Variants in CNTNAP2 observed in about 807,000 individuals in gnomAD.
CNTNAP2 encodes the protein contactin-associated protein-like 2.
Under a neutral mutation model 155.2 loss-of-function variants are expected in CNTNAP2, and 98 were observed. The observed-to-expected ratio is 0.63, with a 90% CI of 0.54 to 0.75. The LOEUF is 0.75. Ranked by LOEUF, CNTNAP2 falls within the 30% of genes least tolerant of loss-of-function variation. CNTNAP2 has a pLI of 0.00. For synonymous variants in CNTNAP2, 651 were observed against 631.2 expected (o/e 1.03, Z -0.47); for missense variants, 1,727 against 1,688.1 (o/e 1.02, Z -0.40).
chr7:147,257,478 A>T lies in CNTNAP2; in HGVS notation c.1349-42663A>T, dbSNP rs140567655. On this transcript the variant is annotated intron_variant, in intron 8 of 23. Coordinates refer to ENST00000361727, the MANE Select transcript of CNTNAP2 (RefSeq NM_014141.6). ...GAAATGCACAGTGGGTGTGTGCAGG[A>T]CCTTCTGCCATAATAGCCTCCTTCT... is the stretch of plus-strand genomic sequence containing the variant. 3.2e-3 allele frequency among the ~76,000 whole-genome samples: 485 copies of T among 152,294 alleles called. 2 individuals are homozygous for T. The highest frequency in any genetic ancestry group is 0.028 in the East Asian group (144 of 5,162).
intron 20 of CNTNAP2, among the ~76,000 whole-genome samples, chr7:148,260,949 G>A (rs2116831112): frequency 6.6e-6 from 1 of 152,344 alleles, no homozygotes; most frequent in African/African-American, 2.4e-5. Context: ...CTAACTATAT[G>A]GAGATACTAA....
At chr7:146,670,765 G>T (rs1402418161) in intron 1 of CNTNAP2, among the ~76,000 whole-genome samples, 4 of 152,098 alleles carry the variant, frequency 2.6e-5, no homozygotes, top group Admixed American at 2.6e-4. Context: ...ACAGCCAAGG[G>T]AAGGACTGGA....
chr7:147,473,822 G>A (rs949436272), intron 10 of CNTNAP2, among the ~76,000 whole-genome samples: 2 of 152,168 alleles, frequency 1.3e-5, no homozygotes, highest in Non-Finnish European at 2.9e-5. Flanking sequence ...GTTCACACCT[G>A]TAATCCCAGC....
chr7:148,172,165 C>T (rs924427047), intron 17 of CNTNAP2, 77 bp from the exon 18 acceptor site: 47 of 1,398,854 alleles, frequency 3.4e-5, no homozygotes, highest in Non-Finnish European at 4.7e-5. Context: ...TCTCCTACCA[C>T]AGTTGTTCAA....
chr7:147,059,935 A>G (rs1265725996), intron 4 of CNTNAP2, among the ~76,000 whole-genome samples: 1 of 152,120 alleles, frequency 6.6e-6, no homozygotes, highest in African/African-American at 2.4e-5. Flanking sequence ...TACTATAATT[A>G]TAGTTTGTAT....
intron 10 of CNTNAP2, among the ~76,000 whole-genome samples, chr7:147,457,494 G>T (rs966987529): frequency 1.2e-5 from 1 of 86,678 alleles, no homozygotes; most frequent in Non-Finnish European, 2.3e-5. Flanking sequence ...CCACTGTAGC[G>T]CTTACTGTAT....
chr7:147,951,015 T>A (rs1800920917), intron 14 of CNTNAP2, among the ~76,000 whole-genome samples: 1 of 152,224 alleles, frequency 6.6e-6, no homozygotes, highest in Admixed American at 6.5e-5. Context: ...CATCTGACTC[T>A]AACTGCTTCT....
At chr7:147,154,966 A>G (rs1377222369) in intron 8 of CNTNAP2, among the ~76,000 whole-genome samples, 2 of 152,174 alleles carry the variant, frequency 1.3e-5, no homozygotes, top group Non-Finnish European at 2.9e-5. Flanking sequence ...GAGATAATTT[A>G]ATAGAGAGAA....
At chr7:148,330,096 A>G (rs1205936865) in intron 21 of CNTNAP2, among the ~76,000 whole-genome samples, 1 of 106,812 alleles carries the variant, frequency 9.4e-6, no homozygotes, top group Admixed American at 9.9e-5. Flanking sequence ...GACACATGGA[A>G]TGGATGGATA....
intron 21 of CNTNAP2, among the ~76,000 whole-genome samples, chr7:148,273,495 C>T (rs1162352620): frequency 6.6e-6 from 1 of 152,170 alleles, no homozygotes; most frequent in Non-Finnish European, 1.5e-5. Flanking sequence ...TTTCTGAGCC[C>T]TCTTTAATTA....
At chr7:147,740,453 T>C (rs376146509) in intron 13 of CNTNAP2, among the ~76,000 whole-genome samples, 35 of 152,296 alleles carry the variant, frequency 2.3e-4, no homozygotes, top group African/African-American at 7.9e-4. Context: ...CCACTGAGGC[T>C]TGGTGCGAGA....
At chr7:147,623,492 G>A (rs183465198) in intron 12 of CNTNAP2, among the ~76,000 whole-genome samples, 52 of 151,972 alleles carry the variant, frequency 3.4e-4, no homozygotes, top group African/African-American at 1.2e-3. Flanking sequence ...AAATCAAAAT[G>A]TAATCCCATT....
intron 15 of CNTNAP2, among the ~76,000 whole-genome samples, chr7:148,095,743 A>C (rs757218836): frequency 6.6e-6 from 1 of 152,190 alleles, no homozygotes. Flanking sequence ...AAAATACTAC[A>C]TTTTTAGTCC....
chr7:146,693,227 TAGTG>T (rs1195931479), intron 1 of CNTNAP2, among the ~76,000 whole-genome samples: 1 of 152,140 alleles, frequency 6.6e-6, no homozygotes, highest in East Asian at 1.9e-4. Flanking sequence ...GCTCTGCATA[TAGTG>T]AGTGCTTCTA....
chr7:147,284,250 T>A (rs1023509978), intron 8 of CNTNAP2, among the ~76,000 whole-genome samples: 1 of 151,828 alleles, frequency 6.6e-6, no homozygotes, highest in Non-Finnish European at 1.5e-5. Flanking sequence ...TTTTTTTAAG[T>A]AGTTAGCATG....
chr7:146,916,767 A>G (rs1341297733), intron 3 of CNTNAP2, among the ~76,000 whole-genome samples: 1 of 152,022 alleles, frequency 6.6e-6, no homozygotes, highest in Non-Finnish European at 1.5e-5. Flanking sequence ...TCAAAGAACC[A>G]GCTTTTTGTA....
chr7:148,110,987 C>T (rs1436544936), intron 15 of CNTNAP2, among the ~76,000 whole-genome samples: 5 of 152,196 alleles, frequency 3.3e-5, no homozygotes, highest in Admixed American at 2.0e-4. Context: ...AGATATTGAA[C>T]ATTCAGTGAC....
rs376142431 is a variant in CNTNAP2 at position 146,833,356 on chromosome 7, C to T, written c.209-6355C>T. On this transcript the variant is annotated intron_variant, in intron 2 of 23. Coordinates refer to ENST00000361727, the MANE Select transcript of CNTNAP2 (RefSeq NM_014141.6). ...ATGTTCTTCTTGACAGCCAGTCTCT[C>T]TCTTTCTGGTCTCTCTTTCTCTTTC... Among the ~76,000 whole-genome samples the T allele has an allele frequency of 9.9e-5, 15 of 152,256 alleles. No homozygotes were observed. In the South Asian group the frequency reaches 2.5e-3, roughly 25 times the overall value.
At chr7:146,675,808 T>C (rs1212779782) in intron 1 of CNTNAP2, among the ~76,000 whole-genome samples, 1 of 147,584 alleles carries the variant, frequency 6.8e-6, no homozygotes, top group Non-Finnish European at 1.5e-5. Flanking sequence ...TTGAAGGCAA[T>C]GTTCTTAGTT....
Sources: gnomAD v4.1 joint callset for allele counts (sites outside exome capture counted in the v4.1 genomes callset) on GRCh38, gnomAD v4.1.1 for gene constraint, MANE v1.5 for transcripts, NCBI Gene and HGNC (gene_info 2026-07-23, HGNC 2026-07-21) for gene names.